The following PIWIL1 variants were observed in gnomAD, a reference collection of about 807,000 sequenced individuals.
The protein encoded by PIWIL1 is piwi-like protein 1.
PIWIL1 carries 73 observed loss-of-function variants against 114.4 expected under a neutral mutation model. The observed-to-expected ratio is 0.64, with a 90% CI of 0.53 to 0.78. The LOEUF (loss-of-function observed/expected upper bound fraction) is 0.78. Among genes scored for constraint, PIWIL1 ranks in the 30% least tolerant of loss-of-function variants. The pLI is 0.00. For synonymous variants in PIWIL1, 375 were observed against 369.0 expected, an observed-to-expected ratio of 1.02 and a Z score of -0.19; for missense variants, 723 against 1,063.1, an observed-to-expected ratio of 0.68 and a Z score of 4.45.
At chr12:130,397,362 C>A in the PIWIL1 span, 1 of 398,998 alleles carries the variant, frequency 2.5e-6, no homozygotes, top group South Asian at 1.3e-4. Flanking sequence ...GCACATGAAT[C>A]ATTTCACTGC....
the PIWIL1 span, among the ~76,000 whole-genome samples, chr12:130,411,828 G>T: frequency 7.0e-6 from 1 of 142,112 alleles, no homozygotes; most frequent in Admixed American, 6.9e-5. Flanking sequence ...TGCCAAAAAA[G>T]GTTGAAATGT....
chr12:130,349,855 G>C lies in PIWIL1; in HGVS notation c.933-1G>C, dbSNP rs1034863833. 6.5e-7 allele frequency: 1 copy of C among 1,542,118 alleles called. No homozygotes were observed. The highest frequency in any genetic ancestry group is 2.3e-5 in the East Asian group (1 of 44,394). The stretch of plus-strand genomic sequence containing the variant: ...GCAGTCAAATCTCAACTGATCCCTA[G>C]GTATAACAATAAGACATACAGAGTG... On this transcript the variant is annotated splice_acceptor_variant, in intron 8 of 20. Transcript: ENST00000245255. LOFTEE classifies it high-confidence loss of function.
At chr12:130,414,549 G>T in the PIWIL1 span, 2 of 373,138 alleles carry the variant, frequency 5.4e-6, no homozygotes, top group Non-Finnish European at 9.7e-6. Context: ...AGACAGGGCT[G>T]GGCCTCGGGG....
chr12:130,383,910 A>T, the PIWIL1 span: 1 of 152,176 alleles, frequency 6.6e-6, no homozygotes, highest in Admixed American at 6.5e-5. Flanking sequence ...CTATAGATGT[A>T]TATTTTTGTG....
At chr12:130,367,589 A>G (rs1288044753) in intron 19 of PIWIL1, among the ~76,000 whole-genome samples, 1 of 152,238 alleles carries the variant, frequency 6.6e-6, no homozygotes, top group East Asian at 1.9e-4. Context: ...GTTTTCTAGT[A>G]AAAAGTGTTT....
the PIWIL1 span, among the ~76,000 whole-genome samples, chr12:130,395,691 C>CGTAA: frequency 6.6e-6 from 1 of 151,988 alleles, no homozygotes; most frequent in Non-Finnish European, 1.5e-5. Flanking sequence ...TTCATCTTGC[C>CGTAA]GTAAGTGTGT....
chr12:130,391,371 C>T, the PIWIL1 span, among the ~76,000 whole-genome samples: 325 of 152,288 alleles, frequency 2.1e-3, 1 homozygote, highest in African/African-American at 7.6e-3. Flanking sequence ...CCAAATCTGA[C>T]GCAAGTCCAG....
intron 1 of PIWIL1, among the ~76,000 whole-genome samples, chr12:130,341,115 C>T (rs529943553): frequency 3.9e-5 from 6 of 152,310 alleles, no homozygotes; most frequent in African/African-American, 1.4e-4. Context: ...ATGTCATCGC[C>T]TGCCCCTATG....
chr12:130,397,106 G>T, the PIWIL1 span: 1 of 279,510 alleles, frequency 3.6e-6, no homozygotes, highest in East Asian at 5.9e-5. Flanking sequence ...GCCCCCGTTT[G>T]TTAATAAGAC....
At chr12:130,373,176 T>G (rs749436760), downstream of PIWIL1, among the ~76,000 whole-genome samples, 2 of 152,220 alleles carry the variant, frequency 1.3e-5, no homozygotes, top group Non-Finnish European at 2.9e-5. Context: ...CACAGAACAG[T>G]GTGACCTTCA....
At chr12:130,422,362 C>A in the PIWIL1 span, 1 of 779,560 alleles carries the variant, frequency 1.3e-6, no homozygotes, top group Non-Finnish European at 2.1e-6. The surrounding 1 kb of genome is among the most constrained non-coding windows in gnomAD (Gnocchi z 5.2). Flanking sequence ...GCGGAAAATG[C>A]TACTCCTAAA....
intron 1 of PIWIL1, among the ~76,000 whole-genome samples, chr12:130,340,569 C>G (rs1198848717): frequency 4.1e-5 from 6 of 146,704 alleles, no homozygotes; most frequent in Non-Finnish European, 3.0e-5. Flanking sequence ...CTGCGGCTCA[C>G]TTCCTGCTGT....
At position 130,342,633 on chromosome 12, in the gene PIWIL1, C is replaced by G. The variant is rs766374504; in HGVS notation, c.42C>G (p.Arg14=). The change falls in exon 2 of 21, where the codon CGC becomes CGG. Residue 14 remains arginine, a synonymous_variant. Transcript: ENST00000245255. ...GAGCCAGAGCCAGAGGAAGGGCCCG[C>G]GGTCAGGAGACAGCGCAGCTGGTGG... ...RARARARGRA[R]GQETAQLVGS... 2 of 1,613,880 alleles carry G rather than the reference C, an allele frequency of 1.2e-6. No homozygotes were observed. Among genetic ancestry groups the G allele is most frequent in the Non-Finnish European group, 1.7e-6 (2 of 1,179,810 alleles).
the PIWIL1 span, among the ~76,000 whole-genome samples, chr12:130,416,877 A>T: frequency 6.6e-6 from 1 of 152,196 alleles, no homozygotes; most frequent in African/African-American, 2.4e-5. Context: ...GCAAAAAATG[A>T]CTCCATTAAA....
At chr12:130,384,134 C>T in the PIWIL1 span, among the ~76,000 whole-genome samples, 5 of 152,220 alleles carry the variant, frequency 3.3e-5, no homozygotes, top group East Asian at 3.9e-4. Flanking sequence ...CTTTGGTGAA[C>T]GTTATTAGAC....
At chr12:130,349,212 C>T (rs765602870) in intron 7 of PIWIL1, 27 bp from the exon 8 acceptor site, 4 of 1,586,648 alleles carry the variant, frequency 2.5e-6, no homozygotes, top group Admixed American at 1.7e-5. Context: ...TGGAGAGGTT[C>T]TTCATGACCC....
At chr12:130,414,382 G>A in the PIWIL1 span, 2 of 1,424,262 alleles carry the variant, frequency 1.4e-6, no homozygotes, top group South Asian at 1.4e-5. Context: ...TGCAGCTTTG[G>A]AAAGCAGTGA....
At chr12:130,375,864 C>A (rs1004084338), downstream of PIWIL1, among the ~76,000 whole-genome samples, 1 of 152,144 alleles carries the variant, frequency 6.6e-6, no homozygotes, top group African/African-American at 2.4e-5. Context: ...ACCTGCTGCA[C>A]GCCTGGCATG....
the PIWIL1 span, chr12:130,424,031 G>T: frequency 1.9e-6 from 1 of 532,816 alleles, no homozygotes; most frequent in Non-Finnish European, 2.9e-6. This position sits in a 1 kb window ranked among gnomAD's most constrained non-coding sequence, Gnocchi z 9.8. Context: ...ACGAAAGACA[G>T]CCAGCAAGAG....
Sources: allele counts gnomAD v4.1 joint callset (sites outside exome capture counted in the v4.1 genomes callset), GRCh38; gene constraint gnomAD v4.1.1; non-coding constraint Gnocchi (gnomAD v3.1); transcripts MANE v1.5; gene names NCBI Gene and HGNC (gene_info 2026-07-23, HGNC 2026-07-21).